ADAMTSL1: variants seen among roughly 807,000 people sequenced by gnomAD.
ADAMTSL1 encodes the protein ADAMTS like 1, also known as ADAMTS-like protein 1.
In ADAMTSL1, 126 loss-of-function variants were observed where a neutral mutation model predicts 201.8. The observed-to-expected ratio is 0.62, with a 90% CI of 0.54 to 0.72. The LOEUF is 0.72. Ranked by LOEUF, ADAMTSL1 falls within the 30% of genes least tolerant of loss-of-function variation. The probability of loss-of-function intolerance (pLI) is 0.00; values close to 1 mark genes in which losing one functional copy is unlikely to be tolerated. For missense variants in ADAMTSL1, 2,679 were observed against 2,277.8 expected (o/e 1.18, Z -3.59); for synonymous variants, 1,121 against 903.4 (o/e 1.24, Z -4.32).
chr9:18,361,623 C>A (rs906716470), intron 2 of ADAMTSL1, among the ~76,000 whole-genome samples: 14 of 151,972 alleles, frequency 9.2e-5, no homozygotes, highest in Admixed American at 4.6e-4. Context: ...TCTTTTTTTC[C>A]AGCTTTTAAT....
chr9:18,741,669 G>C (rs928941333), intron 15 of ADAMTSL1, among the ~76,000 whole-genome samples: 1 of 152,202 alleles, frequency 6.6e-6, no homozygotes, highest in African/African-American at 2.4e-5. Flanking sequence ...ACAGGGCCAT[G>C]CTCCTTCTAA....
chr9:18,803,944 T>C (rs1429885031), intron 20 of ADAMTSL1, among the ~76,000 whole-genome samples: 1 of 152,172 alleles, frequency 6.6e-6, no homozygotes, highest in East Asian at 1.9e-4. Flanking sequence ...GAACAATTAT[T>C]TTTTACTATT....
intron 2 of ADAMTSL1, among the ~76,000 whole-genome samples, chr9:18,180,968 C>G (rs532641559): frequency 0.012 from 1,802 of 152,194 alleles, 54 homozygotes; most frequent in African/African-American, 0.042. Flanking sequence ...ACAGAGCCCT[C>G]AGAAATAACA....
chr9:18,727,691 T>G (rs1360062611), intron 15 of ADAMTSL1, among the ~76,000 whole-genome samples: 2 of 152,240 alleles, frequency 1.3e-5, no homozygotes, highest in Non-Finnish European at 2.9e-5. Context: ...TCCTAGATAT[T>G]CTTTTCCATG....
chr9:18,250,029 TCCTGCC>T (rs1241023496), intron 2 of ADAMTSL1, among the ~76,000 whole-genome samples: 1 of 152,234 alleles, frequency 6.6e-6, no homozygotes, highest in Non-Finnish European at 1.5e-5. Context: ...CTATCTAATT[TCCTGCC>T]CCTTTGTATG....
intron 23 of ADAMTSL1, among the ~76,000 whole-genome samples, chr9:18,874,221 GA>G (rs1279411538): frequency 6.6e-6 from 1 of 152,038 alleles, no homozygotes; most frequent in Non-Finnish European, 1.5e-5. Flanking sequence ...CTAGGTATAT[GA>G]TTATATCATT....
chr9:18,875,655 T>A (rs1828101293), intron 23 of ADAMTSL1, among the ~76,000 whole-genome samples: 1 of 152,300 alleles, frequency 6.6e-6, no homozygotes, highest in African/African-American at 2.4e-5. Flanking sequence ...CTGAGACTTG[T>A]TTCATGGCCT....
chr9:18,779,410 A>G (rs1164435344), intron 19 of ADAMTSL1, among the ~76,000 whole-genome samples: 1 of 152,214 alleles, frequency 6.6e-6, no homozygotes, highest in African/African-American at 2.4e-5. Context: ...TATGCCAGAC[A>G]TAGTGCTCAG....
chr9:18,257,517 C>A (rs1413096837), intron 2 of ADAMTSL1, among the ~76,000 whole-genome samples: 2 of 152,190 alleles, frequency 1.3e-5, no homozygotes, highest in South Asian at 4.1e-4. Flanking sequence ...ATAATAACAA[C>A]AACAGAAAAT....
chr9:18,371,043 A>AT (rs1173297956), intron 2 of ADAMTSL1, among the ~76,000 whole-genome samples: 15 of 152,076 alleles, frequency 9.9e-5, no homozygotes, highest in Admixed American at 9.8e-4. Flanking sequence ...ATATCCAATT[A>AT]TTTTTTTAAT....
intron 15 of ADAMTSL1, among the ~76,000 whole-genome samples, chr9:18,731,149 G>A (rs1227704001): frequency 6.6e-6 from 1 of 152,218 alleles, no homozygotes; most frequent in Non-Finnish European, 1.5e-5. Flanking sequence ...AAGACCAAGA[G>A]GAGACTTGGC....
chr9:18,798,338 C>T (rs1822562709), intron 20 of ADAMTSL1, among the ~76,000 whole-genome samples: 2 of 152,200 alleles, frequency 1.3e-5, no homozygotes, highest in Admixed American at 6.5e-5. Flanking sequence ...CGTCTTTATA[C>T]TCACTGACTC....
chr9:18,320,133 C>T (rs1411459127), intron 2 of ADAMTSL1, among the ~76,000 whole-genome samples: 1 of 151,972 alleles, frequency 6.6e-6, no homozygotes, highest in Non-Finnish European at 1.5e-5. Context: ...TCTGGATGAA[C>T]AAGAAAACAG....
At chr9:18,890,740 C>T (rs1012782974) in intron 25 of ADAMTSL1, 8 of 351,634 alleles carry the variant, frequency 2.3e-5, no homozygotes, top group Non-Finnish European at 3.4e-5. Context: ...ACCCCAGCTC[C>T]TGAAAAATTG....
At chr9:18,026,710 C>T (rs1820711668) in intron 1 of ADAMTSL1, among the ~76,000 whole-genome samples, 1 of 152,010 alleles carries the variant, frequency 6.6e-6, no homozygotes, top group Non-Finnish European at 1.5e-5. Flanking sequence ...CAGGACAATG[C>T]TGGCTTTGTA....
intron 1 of ADAMTSL1, among the ~76,000 whole-genome samples, chr9:18,072,713 A>G (rs1413273901): frequency 6.6e-6 from 1 of 152,196 alleles, no homozygotes; most frequent in Non-Finnish European, 1.5e-5. Flanking sequence ...TTATCCAGGC[A>G]TTTTTGTAGG....
At chr9:18,723,050 A>G (rs1423249632) in intron 15 of ADAMTSL1, 3 of 779,822 alleles carry the variant, frequency 3.8e-6, no homozygotes, top group Non-Finnish European at 7.2e-6. Context: ...AACGCCTGCA[A>G]CGTTCTTTGT....
chr9:18,463,074 A>G (rs1026909197), intron 2 of ADAMTSL1, among the ~76,000 whole-genome samples: 6 of 152,288 alleles, frequency 3.9e-5, no homozygotes, highest in Non-Finnish European at 7.4e-5. Flanking sequence ...AAAATAACCA[A>G]ATCCAATCGA....
At chr9:18,233,848 C>T (rs549266161) in intron 2 of ADAMTSL1, among the ~76,000 whole-genome samples, 3 of 152,240 alleles carry the variant, frequency 2.0e-5, no homozygotes, top group Admixed American at 6.5e-5. Context: ...CCTGGGGTGG[C>T]TCATGAGAGG....
Sources: allele counts gnomAD v4.1 joint callset (sites outside exome capture counted in the v4.1 genomes callset), GRCh38; gene constraint gnomAD v4.1.1; transcripts MANE v1.5; gene names NCBI Gene and HGNC (gene_info 2026-07-23, HGNC 2026-07-21).